TNKS1BP1: variants seen among roughly 807,000 people sequenced by gnomAD.
The protein encoded by TNKS1BP1 is CCR4-NOT transcription complex subunit 12, also known as 182 kDa tankyrase-1-binding protein.
Under a neutral mutation model 141.1 loss-of-function variants are expected in TNKS1BP1, and 48 were observed. The ratio of observed to expected loss-of-function variants is 0.34; its 90% CI spans 0.27 to 0.43. The LOEUF is 0.43. TNKS1BP1 is among the 20% of genes least tolerant of loss of function. The probability of loss-of-function intolerance (pLI) is 1.00; values close to 1 mark genes in which losing one functional copy is unlikely to be tolerated. For synonymous variants in TNKS1BP1, 875 were observed against 898.2 expected, an observed-to-expected ratio of 0.97 and a Z score of 0.46; for missense variants, 2,149 against 2,226.0, an observed-to-expected ratio of 0.97 and a Z score of 0.70.
At position 57,300,962 on chromosome 11, in the gene TNKS1BP1, A is replaced by G. The variant is rs776409949; in HGVS notation, c.5051T>C (p.Val1684Ala). Residue 1684 changes from valine (V) to alanine (A), a missense_variant, in exon 10 of 12, where the codon GTC (valine) becomes GCC (alanine). Coordinates refer to ENST00000358252, the MANE Select transcript of TNKS1BP1 (RefSeq NM_033396.3). The stretch of plus-strand genomic sequence containing the variant: ...GACCTTGCAGGATTTCGAACGCTGG[A>G]CCGCGGACTCCTTCTGGCTCGACTT... ...ESKSSQKESA[V>A]QRSKSCKVPG... 2 of 1,613,656 alleles carry G rather than the reference A, an allele frequency of 1.2e-6. No homozygotes were observed. The highest frequency in any genetic ancestry group is 2.7e-5 in the African/African-American group (2 of 74,846).
rs745550989 is a variant in TNKS1BP1 at position 57,300,614 on chromosome 11, G to A, written c.5130-14C>T. On this transcript the variant is annotated splice_polypyrimidine_tract_variant and intron_variant, in intron 10 of 11. Coordinates refer to ENST00000358252, the MANE Select transcript of TNKS1BP1 (RefSeq NM_033396.3). The stretch of plus-strand genomic sequence containing the variant: ...GATCCTTCTGACCTAGGAGGCAGAC[G>A]GCAAAGGTCCAGAATGCAAACTTTG... The A allele has an allele frequency of 3.1e-5, 50 of 1,614,064 alleles. No individual in the cohort carries two copies. The highest frequency in any genetic ancestry group is 5.0e-5 in the Admixed American group (3 of 60,002).
At chr11:57,315,792 GAGCCCAAGCACTC>G (rs1195207328) in intron 4 of TNKS1BP1, among the ~76,000 whole-genome samples, 1 of 150,638 alleles carries the variant, frequency 6.6e-6, no homozygotes, top group Non-Finnish European at 1.5e-5. Flanking sequence ...TCCTGCATGG[GAGCCCAAGCACTC>G]TGCCTCCCCT....
chr11:57,308,421 T>C lies in TNKS1BP1; in HGVS notation c.4290A>G (p.Thr1430=). The C allele has an allele frequency of 6.2e-7, 1 of 1,614,092 alleles. No homozygotes were observed. Among genetic ancestry groups the C allele is most frequent in the Non-Finnish European group, 8.5e-7 (1 of 1,179,958 alleles). The change falls in exon 6 of 12, where the codon ACA becomes ACG. Residue 1430 remains threonine, a synonymous_variant. Transcript: ENST00000358252. The part of the protein sequence containing the change: ...EPHPADPGME[T]GEALSFGASP... ...TTGCTCCGAAGCTGAGGGCTTCTCCTGTCTCCATTCCAGGGTCTGCAGGGT... is the reference window on the plus strand; with the variant it reads ...TTGCTCCGAAGCTGAGGGCTTCTCCCGTCTCCATTCCAGGGTCTGCAGGGT...
In TNKS1BP1 at chr11:57,313,055, C is replaced by G; in HGVS notation, c.1633G>C (p.Gly545Arg). Reference protein sequence around the residue: ...PSGSGSSWVQGDDPSMSLTQK... With the variant: ...PSGSGSSWVQRDDPSMSLTQK... Reference sequence around the variant, plus strand: ...GTGAGGGACATGCTTGGATCATCCCCCTGCACCCAGGAACTTCCTGACCCA... The same window carrying G: ...GTGAGGGACATGCTTGGATCATCCCGCTGCACCCAGGAACTTCCTGACCCA... The change falls in exon 5 of 12, where the codon GGG becomes CGG. Residue 545 changes from glycine to arginine, a missense_variant. Physicochemically the swap from Gly to Arg is moderately radical, Grantham distance 125 (BLOSUM62 -2). Coordinates refer to ENST00000358252, the MANE Select transcript of TNKS1BP1 (RefSeq NM_033396.3). 1 of 1,613,848 alleles carries G rather than the reference C, an allele frequency of 6.2e-7. No homozygotes were observed.
At chr11:57,300,463 G>T in intron 11 of TNKS1BP1, 65 bp downstream of exon 11, 1 of 1,476,902 alleles carries the variant, frequency 6.8e-7, no homozygotes, top group Non-Finnish European at 9.4e-7. Flanking sequence ...AGGGGCATGA[G>T]GCCTCCGAAG....
chr11:57,309,401 G>A lies in TNKS1BP1; in HGVS notation c.3310C>T (p.Pro1104Ser), dbSNP rs763386646. 3 of 1,614,008 alleles carry A rather than the reference G, an allele frequency of 1.9e-6. No homozygotes were observed. The highest frequency in any genetic ancestry group is 8.5e-7 in the Non-Finnish European group (1 of 1,180,006). The change falls in exon 6 of 12, where the codon CCA becomes TCA. Residue 1104 changes from proline to serine, a missense_variant. Coordinates refer to ENST00000358252, the MANE Select transcript of TNKS1BP1 (RefSeq NM_033396.3). This position sits in a 1 kb window ranked among gnomAD's most constrained non-coding sequence, Gnocchi z 4.3. ...TCCCGGCTCCAGTCCTGCTGCCCTG[G>A]GCTAAATGCTGCCTCTCGCTGGGGG... ...VGPQREAAFS[P>S]GQQDWSRDFC...
At chr11:57,318,451 G>T (rs1240036204) in intron 3 of TNKS1BP1, among the ~76,000 whole-genome samples, 1 of 152,220 alleles carries the variant, frequency 6.6e-6, no homozygotes, top group Admixed American at 6.5e-5. Flanking sequence ...TAGCTCTGGG[G>T]CCAAGGCTCC....
chr11:57,302,760 GCCAGCATCTCCT>G lies in TNKS1BP1; in HGVS notation c.4370_4381del (p.Glu1457_Leu1460del). The G allele has an allele frequency of 6.4e-7, 1 of 1,573,282 alleles. No homozygotes were observed. Among genetic ancestry groups the G allele is most frequent in the South Asian group, 1.1e-5 (1 of 87,400 alleles). ...AGCCACCGCCTTGGAGCTGCTGGCT[GCCAGCATCTCCT>G]CCAGCAGGCCCTGGGAGCCGGAGGG... On this transcript the variant is annotated inframe_deletion, in exon 7 of 12. Transcript: ENST00000358252. This position sits in a 1 kb window ranked among gnomAD's most constrained non-coding sequence, Gnocchi z 5.5.
intron 1 of TNKS1BP1, among the ~76,000 whole-genome samples, chr11:57,322,753 G>C (rs765992570): frequency 4.6e-5 from 7 of 152,030 alleles, no homozygotes; most frequent in Middle Eastern, 3.2e-3. Flanking sequence ...GAGAACATCC[G>C]GGGGGTGGAG....
intron 4 of TNKS1BP1, among the ~76,000 whole-genome samples, chr11:57,314,635 GC>G (rs1855770979): frequency 6.6e-6 from 1 of 152,162 alleles, no homozygotes. Flanking sequence ...GTGTGCACTG[GC>G]CCCTCGGCAT....
In TNKS1BP1 at chr11:57,313,257, T is replaced by C. The variant is rs1472562571; in HGVS notation, c.1431A>G (p.Glu477=). ...CCGAGGGCCTCGTGGGGAAGGTCCA[T>C]TCGAAGGACTGTGATAAGCTCCAGT... ...ESNWSLSQSF[E]WTFPTRPSGL... The change falls in exon 5 of 12, where the codon GAA becomes GAG. Residue 477 remains glutamate (E), a synonymous_variant. Transcript: ENST00000358252. The C allele has an allele frequency of 2.5e-6, 4 of 1,612,750 alleles. No individual in the cohort carries two copies. In the East Asian group the frequency reaches 8.9e-5, roughly 36 times the overall value.
At chr11:57,323,426 G>C (rs910911487) in intron 1 of TNKS1BP1, among the ~76,000 whole-genome samples, 53 of 152,196 alleles carry the variant, frequency 3.5e-4, no homozygotes, top group Non-Finnish European at 2.8e-4. Flanking sequence ...GGTATGCAGA[G>C]CCCTGAGGAC....
In TNKS1BP1 at chr11:57,312,844, AG is replaced by A; in HGVS notation, c.1843del (p.Leu615TrpfsTer37). On this transcript the variant is annotated frameshift_variant, in exon 5 of 12. Transcript: ENST00000358252. LOFTEE classifies it high-confidence loss of function. ...CTGCTCCTGCCCCAGGACTGGCTCC[AG>A]GATGGGCAAGGCTGCCTCCCTGGTA... ...LATREAALPILEPVLGQEQPA... is the reference protein window; with the variant it reads ...LATREAALPIXEPVLGQEQPA... The A allele has an allele frequency of 6.2e-7, 1 of 1,610,858 alleles. No homozygotes were observed. Among genetic ancestry groups the A allele is most frequent in the Non-Finnish European group, 8.5e-7 (1 of 1,178,398 alleles).
chr11:57,302,454 C>T lies in TNKS1BP1; in HGVS notation c.4683+5G>A. 1 of 1,587,196 alleles carries T rather than the reference C, an allele frequency of 6.3e-7. No homozygotes were observed. Among genetic ancestry groups the T allele is most frequent in the Non-Finnish European group, 8.6e-7 (1 of 1,163,320 alleles). Reference sequence around the variant, plus strand: ...CCCACTGTCATGGGCTCACCCTCCACTGACCTCAATGAAGGAGAAGTCCTG... The same window carrying T: ...CCCACTGTCATGGGCTCACCCTCCATTGACCTCAATGAAGGAGAAGTCCTG... On this transcript the variant is annotated splice_donor_5th_base_variant and intron_variant, in intron 7 of 11. Coordinates refer to ENST00000358252, the MANE Select transcript of TNKS1BP1 (RefSeq NM_033396.3). This position sits in a 1 kb window ranked among gnomAD's most constrained non-coding sequence, Gnocchi z 5.5.
At chr11:57,303,114 A>C in intron 6 of TNKS1BP1, 1 of 381,820 alleles carries the variant, frequency 2.6e-6, no homozygotes, top group Non-Finnish European at 4.7e-6. Context: ...ATGAAAGAAA[A>C]ATCTAAAGCA....
In TNKS1BP1 at chr11:57,312,621, C is replaced by T. The variant is rs760337795; in HGVS notation, c.2067G>A (p.Leu689=). The change falls in exon 5 of 12, where the codon CTG becomes CTA. Residue 689 remains leucine (L), a synonymous_variant. Transcript: ENST00000358252. ...CGCCACCACTGGGTGGTGGTGAAGC[C>T]AGGAGGTCGTCCAGCCAGCGGGAGC... ...ESSSRWLDDL[L]ASPPPSGGGA... is the part of the protein sequence containing the mutation. 6.4e-7 allele frequency: 1 copy of T among 1,572,358 alleles called. No individual in the cohort carries two copies. The highest frequency in any genetic ancestry group is 8.6e-7 in the Non-Finnish European group (1 of 1,160,562).
intron 4 of TNKS1BP1, among the ~76,000 whole-genome samples, chr11:57,315,432 C>T (rs1315616780): frequency 1.3e-5 from 2 of 152,058 alleles, no homozygotes; most frequent in Non-Finnish European, 2.9e-5. Flanking sequence ...TACTGTTTAA[C>T]CTGTTTAAAT....
At chr11:57,320,027 A>ACC in intron 3 of TNKS1BP1, 52 bp downstream of exon 3, 1 of 578,376 alleles carries the variant, frequency 1.7e-6, no homozygotes, top group East Asian at 5.9e-5. Context: ...ACCCAATCCC[A>ACC]CCCCACCTGA....
At chr11:57,322,057 G>A (rs1364118041) in intron 1 of TNKS1BP1, 107 bp from the exon 2 acceptor site, 6 of 493,180 alleles carry the variant, frequency 1.2e-5, no homozygotes, top group Non-Finnish European at 1.5e-5. Flanking sequence ...GGGACAGGAA[G>A]AGAGAACTTG....
Sources: gnomAD v4.1 joint callset for allele counts (sites outside exome capture counted in the v4.1 genomes callset) on GRCh38, gnomAD v4.1.1 for gene constraint, Gnocchi (gnomAD v3.1) non-coding constraint, MANE v1.5 for transcripts, NCBI Gene and HGNC (gene_info 2026-07-23, HGNC 2026-07-21) for gene names.